Variants in SLC35F2 observed in about 807,000 individuals in gnomAD.
SLC35F2 encodes the protein solute carrier family 35 member F2.
In SLC35F2, 25 loss-of-function variants were observed where a neutral mutation model predicts 38.1. The ratio of observed to expected loss-of-function variants is 0.66; its 90% CI spans 0.48 to 0.92. The LOEUF (loss-of-function observed/expected upper bound fraction) is 0.92, where lower values mean the gene tolerates loss of function less well. Among genes scored for constraint, SLC35F2 ranks in the 40% least tolerant of loss-of-function variants. The probability of loss-of-function intolerance (pLI) is 0.00; values close to 1 mark genes in which losing one functional copy is unlikely to be tolerated. For synonymous variants in SLC35F2, 173 were observed against 181.7 expected, an observed-to-expected ratio of 0.95 and a Z score of 0.38; for missense variants, 409 against 452.9, an observed-to-expected ratio of 0.90 and a Z score of 0.88.
intron 3 of SLC35F2, chr11:107,810,405 G>T (rs1488584825): frequency 1.0e-6 from 1 of 984,796 alleles, no homozygotes; most frequent in Non-Finnish European, 1.2e-6. Context: ...ATTAGTTAGA[G>T]ATCAAAGTTC....
chr11:107,857,280 A>T (rs1860308599), intron 1 of SLC35F2, among the ~76,000 whole-genome samples: 1 of 148,698 alleles, frequency 6.7e-6, no homozygotes, highest in Non-Finnish European at 1.5e-5. Flanking sequence ...GGAAGGAAGG[A>T]CGGAAGGAAG....
chr11:107,811,097 G>C, intron 3 of SLC35F2: 1 of 984,844 alleles, frequency 1.0e-6, no homozygotes, highest in Non-Finnish European at 1.2e-6. Flanking sequence ...CCCATAGTTT[G>C]CTAACATTAA....
At chr11:107,858,596 C>A in intron 1 of SLC35F2, 62 bp downstream of exon 1, 2 of 1,230,696 alleles carry the variant, frequency 1.6e-6, no homozygotes, top group East Asian at 6.3e-5. Context: ...TGTCCACGTG[C>A]GCGCAGGGCC....
At chr11:107,821,649 T>C in intron 1 of SLC35F2, 3 of 983,006 alleles carry the variant, frequency 3.1e-6, no homozygotes, top group Non-Finnish European at 2.4e-6. Flanking sequence ...TAACAAAACC[T>C]GTTCCTGTTT....
chr11:107,839,465 A>C (rs1859983181), intron 1 of SLC35F2, among the ~76,000 whole-genome samples: 4 of 152,204 alleles, frequency 2.6e-5, no homozygotes, highest in African/African-American at 9.7e-5. Flanking sequence ...CGTTTCAAAA[A>C]AAGAAAAAGA....
rs889949718 is a variant in SLC35F2, at chr11:107,811,317, C to G, written c.414+350G>C. On this transcript the variant is annotated intron_variant, in intron 3 of 7. Transcript: ENST00000525815. ...ATCTACTATGCTTGCAAAGCTTCAA[C>G]TTTCCTATAGAACAAAGGTATACTT... 7.8e-6 allele frequency: 7 copies of G among 895,990 alleles called. No homozygotes were observed. The African/African-American group carries it at 1.3e-4, about 16-fold the overall frequency. The allele number at this position is 895,990 out of a possible 1,614,324, so 55.5% of individuals were successfully genotyped here.
At chr11:107,851,618 A>G (rs770992187) in intron 1 of SLC35F2, among the ~76,000 whole-genome samples, 1 of 151,838 alleles carries the variant, frequency 6.6e-6, no homozygotes, top group African/African-American at 2.4e-5. Flanking sequence ...TACAATGCCT[A>G]TTGGAATTAA....
intron 1 of SLC35F2, among the ~76,000 whole-genome samples, chr11:107,816,485 C>A (rs1859576407): frequency 7.3e-6 from 1 of 137,046 alleles, no homozygotes; most frequent in Admixed American, 7.5e-5. Context: ...TGGGGTTTCA[C>A]TATGTTGCTC....
At chr11:107,834,322 A>G (rs1448792668) in intron 1 of SLC35F2, among the ~76,000 whole-genome samples, 4 of 152,204 alleles carry the variant, frequency 2.6e-5, no homozygotes, top group Non-Finnish European at 4.4e-5. Flanking sequence ...TACAAAATAA[A>G]TTCCAAATAG....
At chr11:107,840,837 C>T (rs1173875715) in intron 1 of SLC35F2, 2 of 152,172 alleles carry the variant, frequency 1.3e-5, no homozygotes, top group Admixed American at 1.3e-4. Flanking sequence ...TGACCTACTA[C>T]ACTCGTCACA....
intron 1 of SLC35F2, among the ~76,000 whole-genome samples, chr11:107,828,933 CCT>C: frequency 6.6e-6 from 1 of 151,608 alleles, no homozygotes; most frequent in South Asian, 2.1e-4. Context: ...ATGGTGAAAC[CCT>C]GTCTCTACTA....
intron 1 of SLC35F2, among the ~76,000 whole-genome samples, chr11:107,820,277 G>A (rs924388088): frequency 6.6e-6 from 1 of 151,368 alleles, no homozygotes; most frequent in African/African-American, 2.4e-5. Flanking sequence ...AAAAAAATTG[G>A]GAGAGAGAGA....
intron 1 of SLC35F2, among the ~76,000 whole-genome samples, chr11:107,829,461 G>A (rs1472377292): frequency 5.3e-5 from 8 of 150,966 alleles, no homozygotes; most frequent in Admixed American, 6.6e-5. Context: ...CACCCTTCTC[G>A]CCCTGTGATG....
At chr11:107,842,670 C>A (rs1038051219) in intron 1 of SLC35F2, among the ~76,000 whole-genome samples, 1 of 152,184 alleles carries the variant, frequency 6.6e-6, no homozygotes, top group African/African-American at 2.4e-5. Context: ...CAGGTGTGTA[C>A]CGCCATACCT....
chr11:107,805,081 A>T lies in SLC35F2; in HGVS notation c.731+278T>A, dbSNP rs1051694685. On this transcript the variant is annotated intron_variant, in intron 5 of 7. Transcript: ENST00000525815. ...GTTAATATTTTCTGGAAATAACTAA[A>T]AAAACTCCTTACTGGCAAATGCCTC... 7 of 985,332 alleles carry T rather than the reference A, an allele frequency of 7.1e-6. No homozygotes were observed. In the African/African-American group the frequency reaches 8.7e-5, roughly 12 times the overall value. The allele number at this position is 985,332 out of a possible 1,614,324, so 61.0% of individuals were successfully genotyped here.
At chr11:107,851,173 G>C (rs1860178361) in intron 1 of SLC35F2, among the ~76,000 whole-genome samples, 1 of 151,814 alleles carries the variant, frequency 6.6e-6, no homozygotes, top group Non-Finnish European at 1.5e-5. Flanking sequence ...TGAAGCAGGA[G>C]AATCTCTTGA....
At chr11:107,831,477 G>A (rs1450688473) in intron 1 of SLC35F2, among the ~76,000 whole-genome samples, 9 of 152,120 alleles carry the variant, frequency 5.9e-5, no homozygotes, top group African/African-American at 2.2e-4. Context: ...CTCATGCCTA[G>A]ACCTCCCAAA....
chr11:107,856,663 C>T (rs1376167843), intron 1 of SLC35F2, among the ~76,000 whole-genome samples: 2 of 151,816 alleles, frequency 1.3e-5, no homozygotes, highest in East Asian at 1.9e-4. Flanking sequence ...AGCCTCTGCA[C>T]TCAGGCCTGG....
intron 1 of SLC35F2, among the ~76,000 whole-genome samples, chr11:107,851,352 A>G (rs1373655739): frequency 6.6e-6 from 1 of 151,572 alleles, no homozygotes; most frequent in Non-Finnish European, 1.5e-5. Context: ...AATCCCAGCT[A>G]CTTGGGAGGC....
Sources: gnomAD v4.1 joint callset for allele counts (sites outside exome capture counted in the v4.1 genomes callset) on GRCh38, gnomAD v4.1.1 for gene constraint, MANE v1.5 for transcripts, NCBI Gene and HGNC (gene_info 2026-07-23, HGNC 2026-07-21) for gene names.